The following ZFYVE9 variants were observed in gnomAD, a reference collection of about 807,000 sequenced individuals.
ZFYVE9 encodes zinc finger FYVE-type containing 9.
Under a neutral mutation model 126.7 loss-of-function variants are expected in ZFYVE9, and 43 were observed. That is an observed-to-expected ratio of 0.34 (90% confidence interval 0.27 to 0.44). The LOEUF (loss-of-function observed/expected upper bound fraction) is 0.44. Among genes scored for constraint, ZFYVE9 ranks in the 20% least tolerant of loss-of-function variants. ZFYVE9 has a pLI of 1.00. For synonymous variants in ZFYVE9, 521 were observed against 597.4 expected, an observed-to-expected ratio of 0.87 and a Z score of 1.87; for missense variants, 1,476 against 1,697.0, an observed-to-expected ratio of 0.87 and a Z score of 2.29.
At chr1:52,231,327 G>A (rs1645219112) in intron 2 of ZFYVE9, among the ~76,000 whole-genome samples, 1 of 152,038 alleles carries the variant, frequency 6.6e-6, no homozygotes. Flanking sequence ...AGACCAGCCT[G>A]GCCAACATGG....
rs199925274 is a variant in ZFYVE9 at position 52,158,640 on chromosome 1, AGTTT to A, written c.-143+16241_-143+16244del. Among the ~76,000 whole-genome samples, 71 of 152,110 alleles carry A rather than the reference AGTTT, an allele frequency of 4.7e-4. 1 individual carries two copies. In the East Asian group the frequency reaches 0.013, roughly 28 times the overall value. On this transcript the variant is annotated intron_variant, in intron 1 of 18. Transcript: ENST00000287727. ...GAAGCAGTGGTCTGTAGCCATCCTGAGTTTGTTCTTCATCTTTTACTGCCTCCCT... is the reference window on the plus strand; with the variant it reads ...GAAGCAGTGGTCTGTAGCCATCCTGAGTTCTTCATCTTTTACTGCCTCCCT...
intron 1 of ZFYVE9, among the ~76,000 whole-genome samples, chr1:52,147,216 A>G (rs554116619): frequency 7.7e-4 from 117 of 152,312 alleles, no homozygotes; most frequent in Non-Finnish European, 1.3e-3. Flanking sequence ...AGTATTTTCT[A>G]TTTTACAAAT....
At chr1:52,181,255 G>GT (rs1644699361) in intron 1 of ZFYVE9, among the ~76,000 whole-genome samples, 1 of 152,208 alleles carries the variant, frequency 6.6e-6, no homozygotes, top group Non-Finnish European at 1.5e-5. Context: ...ACTGGTTTTC[G>GT]TATTTTTTTG....
At chr1:52,170,031 AT>A (rs1382257712) in intron 1 of ZFYVE9, among the ~76,000 whole-genome samples, 1 of 152,194 alleles carries the variant, frequency 6.6e-6, no homozygotes, top group East Asian at 1.9e-4. Flanking sequence ...ACTTAAGAAG[AT>A]TTTGAAAAAT....
At chr1:52,232,459 T>G (rs1232026849) in intron 2 of ZFYVE9, among the ~76,000 whole-genome samples, 1 of 152,060 alleles carries the variant, frequency 6.6e-6, no homozygotes, top group Non-Finnish European at 1.5e-5. Flanking sequence ...GCCAAGTGCA[T>G]GGCTCATGCC....
At chr1:52,282,935 A>C (rs1449665367) in intron 10 of ZFYVE9, among the ~76,000 whole-genome samples, 1 of 152,200 alleles carries the variant, frequency 6.6e-6, no homozygotes, top group East Asian at 1.9e-4. Context: ...TTTTAATGTG[A>C]TGTAGATTAT....
chr1:52,154,025 C>A (rs1043115980), intron 1 of ZFYVE9, among the ~76,000 whole-genome samples: 1 of 152,182 alleles, frequency 6.6e-6, no homozygotes, highest in Non-Finnish European at 1.5e-5. Context: ...TAAGACTGGT[C>A]CTTTTGTATG....
intron 13 of ZFYVE9, among the ~76,000 whole-genome samples, chr1:52,316,138 C>A (rs1330505851): frequency 9.3e-6 from 1 of 107,904 alleles, no homozygotes; most frequent in Non-Finnish European, 1.7e-5. Flanking sequence ...GCACTTCAGC[C>A]TGGGCAACAA....
intron 13 of ZFYVE9, among the ~76,000 whole-genome samples, chr1:52,310,403 A>G (rs1365650421): frequency 6.6e-6 from 1 of 152,206 alleles, no homozygotes; most frequent in Non-Finnish European, 1.5e-5. Context: ...TTTACAGATG[A>G]GGAAATTAAG....
chr1:52,159,574 T>C (rs188768629), intron 1 of ZFYVE9, among the ~76,000 whole-genome samples: 58 of 152,256 alleles, frequency 3.8e-4, no homozygotes, highest in Non-Finnish European at 4.7e-4. Context: ...TTAGTGCCTA[T>C]GTTATGAGTA....
intron 1 of ZFYVE9, among the ~76,000 whole-genome samples, chr1:52,181,997 C>T (rs1212427173): frequency 1.3e-5 from 2 of 150,392 alleles, no homozygotes; most frequent in South Asian, 2.1e-4. Flanking sequence ...CGGAGGGAGG[C>T]GAGGGGGTCA....
chr1:52,183,389 A>G (rs1167832639), intron 1 of ZFYVE9, among the ~76,000 whole-genome samples: 2 of 152,256 alleles, frequency 1.3e-5, no homozygotes, highest in African/African-American at 4.8e-5. Flanking sequence ...TTTAGAAGTC[A>G]TAGGAAACTA....
intron 6 of ZFYVE9, among the ~76,000 whole-genome samples, chr1:52,267,150 A>T (rs1290064687): frequency 6.6e-6 from 1 of 152,236 alleles, no homozygotes; most frequent in Non-Finnish European, 1.5e-5. Context: ...TTCCTAGCCT[A>T]CCTCATGCCT....
intron 4 of ZFYVE9, among the ~76,000 whole-genome samples, chr1:52,262,733 T>C (rs560008382): frequency 6.6e-6 from 1 of 152,298 alleles, no homozygotes; most frequent in Admixed American, 6.5e-5. Context: ...AACAGGCTTT[T>C]GCCACTGTAA....
chr1:52,332,991 C>T, intron 14 of ZFYVE9, 73 bp downstream of exon 14: 1 of 1,558,288 alleles, frequency 6.4e-7, no homozygotes, highest in Non-Finnish European at 8.8e-7. Flanking sequence ...ATACCTCAGT[C>T]CCGTAACACT....
chr1:52,240,737 G>T (rs1645325195), intron 4 of ZFYVE9, among the ~76,000 whole-genome samples: 1 of 152,090 alleles, frequency 6.6e-6, no homozygotes, highest in African/African-American at 2.4e-5. Flanking sequence ...AAAGAAACTG[G>T]CTGGGGGGCA....
chr1:52,180,376 C>T, intron 1 of ZFYVE9: 2 of 1,541,234 alleles, frequency 1.3e-6, no homozygotes, highest in Non-Finnish European at 1.8e-6. Context: ...TTTATTGGTC[C>T]TCTGGTGTTT....
chr1:52,319,541 T>C (rs372889884), intron 13 of ZFYVE9, among the ~76,000 whole-genome samples: 23 of 151,928 alleles, frequency 1.5e-4, no homozygotes, highest in African/African-American at 5.6e-4. Context: ...GGAGAATCAC[T>C]TGAACACGGG....
At chr1:52,181,810 C>T (rs1644707952) in intron 1 of ZFYVE9, among the ~76,000 whole-genome samples, 1 of 151,336 alleles carries the variant, frequency 6.6e-6, no homozygotes, top group Non-Finnish European at 1.5e-5. Flanking sequence ...CTCTGGCTGG[C>T]CGCCCCGTCT....
Sources: gnomAD v4.1 joint callset for allele counts (sites outside exome capture counted in the v4.1 genomes callset) on GRCh38, gnomAD v4.1.1 for gene constraint, MANE v1.5 for transcripts, NCBI Gene and HGNC (gene_info 2026-07-23, HGNC 2026-07-21) for gene names.